ADAT2: variants seen among roughly 807,000 people sequenced by gnomAD.
The protein encoded by ADAT2 is adenosine deaminase tRNA specific 2.
In ADAT2, 26 loss-of-function variants were observed where a neutral mutation model predicts 25.9. The observed-to-expected ratio is 1.00, with a 90% CI of 0.74 to 1.39. The LOEUF (loss-of-function observed/expected upper bound fraction) is 1.39, where lower values mean the gene tolerates loss of function less well. Among genes scored for constraint, ADAT2 ranks in the 40% most tolerant of loss-of-function variants. The pLI is 0.00. For missense variants in ADAT2, 220 were observed against 244.8 expected (o/e 0.90, Z 0.68); for synonymous variants, 76 against 86.8 (o/e 0.88, Z 0.69).
Position 143,440,506 on chromosome 6 carries a change from G to A in ADAT2, c.97-1812C>T, listed in dbSNP as rs1238894023. Among the ~76,000 whole-genome samples, 1 of 152,200 alleles carries A rather than the reference G, an allele frequency of 6.6e-6. No individual in the cohort carries two copies. The highest frequency in any genetic ancestry group is 1.9e-4 in the East Asian group (1 of 5,204). ...GGCCTCTCTTTTCTCCATCTGGTTG[G>A]TGGGTCAGAGATGGGGCATGGAGAG... is the stretch of plus-strand genomic sequence containing the variant. On this transcript the variant is annotated intron_variant, in intron 1 of 5. Transcript: ENST00000237283. This position sits in a 1 kb window ranked among gnomAD's most constrained non-coding sequence, Gnocchi z 4.5.
At position 143,438,623 on chromosome 6, in the gene ADAT2, C is replaced by G; in HGVS notation, c.168G>C (p.Gly56=). 1 of 1,613,448 alleles carries G rather than the reference C, an allele frequency of 6.2e-7. No homozygotes were observed. Among genetic ancestry groups the G allele is most frequent in the Non-Finnish European group, 8.5e-7 (1 of 1,179,470 alleles). The change falls in exon 2 of 6, where the codon GGG becomes GGC. Residue 56 remains glycine, a synonymous_variant. Coordinates refer to ENST00000237283, the MANE Select transcript of ADAT2 (RefSeq NM_182503.3). ...CLMVYNNEVV[G]KGRNEVNQTK... is the part of the protein sequence containing the mutation. ...TTTGGTTAACTTCATTTCTCCCCTT[C>G]CCTACAACTTCATTGTTGTAGACCA... is the stretch of plus-strand genomic sequence containing the variant.
Position 143,422,957 on chromosome 6 carries a change from G to C in ADAT2, c.*5506C>G, listed in dbSNP as rs564521888. On this transcript the variant is annotated 3_prime_UTR_variant, in exon 6 of 6. Coordinates refer to ENST00000237283, the MANE Select transcript of ADAT2 (RefSeq NM_182503.3). This position sits in a 1 kb window ranked among gnomAD's most constrained non-coding sequence, Gnocchi z 4.3. ...CATTCTAAGCCAGAAAACATATTTT[G>C]GTATCTTAGATTTTTCCTTTACATT... is the stretch of plus-strand genomic sequence containing the variant. 1 of 152,042 alleles carries C rather than the reference G, an allele frequency of 6.6e-6. No individual in the cohort carries two copies. Among genetic ancestry groups the C allele is most frequent in the Non-Finnish European group, 1.5e-5 (1 of 68,024 alleles). 9.4% of individuals were successfully genotyped at this position (152,042 alleles called of 1,614,324 possible).
Position 143,428,504 on chromosome 6 carries a change from GTGC to G in ADAT2, c.533-1_534del. Reference sequence around the variant, plus strand: ...TCCTTTTTCCGAACTTTCGATTTTGGTGCTGTGAAAAGAATAGAAAAGAAAAAG... The same window carrying G: ...TCCTTTTTCCGAACTTTCGATTTTGGTGTGAAAAGAATAGAAAAGAAAAAG... On this transcript the variant is annotated splice_acceptor_variant and coding_sequence_variant, in exon 6 of 6. Transcript: ENST00000237283. LOFTEE classifies it high-confidence loss of function. The surrounding 1 kb of genome is among the most constrained non-coding windows in gnomAD (Gnocchi z 5.0). 6.2e-7 allele frequency: 1 copy of G among 1,613,886 alleles called. No homozygotes were observed. The highest frequency in any genetic ancestry group is 8.5e-7 in the Non-Finnish European group (1 of 1,179,976).
Position 143,436,304 on chromosome 6 carries a change from T to G in ADAT2, c.201+2286A>C, listed in dbSNP as rs915219527. The G allele has an allele frequency of 4.2e-5, 10 of 236,100 alleles. No homozygotes were observed. The highest frequency in any genetic ancestry group is 3.2e-4 in the Admixed American group (8 of 25,206). The allele number at this position is 236,100 out of a possible 1,614,324, so 14.6% of individuals were successfully genotyped here. On this transcript the variant is annotated intron_variant, in intron 2 of 5. Coordinates refer to ENST00000237283, the MANE Select transcript of ADAT2 (RefSeq NM_182503.3). The surrounding 1 kb of genome is among the most constrained non-coding windows in gnomAD (Gnocchi z 4.1). ...TATGACCCCCAGTATGGCCTCTATC[T>G]AACAGAGGCTGCCATTTTCAGGGGC...
Position 143,425,146 on chromosome 6 carries a change from A to C in ADAT2, c.*3317T>G, listed in dbSNP as rs2128736594. 1 of 152,324 alleles carries C rather than the reference A, an allele frequency of 6.6e-6. No homozygotes were observed. Among genetic ancestry groups the C allele is most frequent in the East Asian group, 1.9e-4 (1 of 5,190 alleles). The allele number at this position is 152,324 out of a possible 1,614,324, so 9.4% of individuals were successfully genotyped here. A position where few individuals can be genotyped will look rare whatever the true frequency, so the allele number is the denominator to read the frequency against. On this transcript the variant is annotated 3_prime_UTR_variant, in exon 6 of 6. Transcript: ENST00000237283. ...AAGAAGAAGAAAACAGAAAGGAGGCAAAATGACTGTATTATTTAAAAATGT... is the reference window on the plus strand; with the variant it reads ...AAGAAGAAGAAAACAGAAAGGAGGCCAAATGACTGTATTATTTAAAAATGT...
In ADAT2 at chr6:143,427,645, G is replaced by C. The variant is rs1381747630; in HGVS notation, c.*818C>G. Reference sequence around the variant, plus strand: ...ATGGCACCTATCCCCTTTACCCTGTGTTCCTTTTGCTTTTTGCCATAACTC... The same window carrying C: ...ATGGCACCTATCCCCTTTACCCTGTCTTCCTTTTGCTTTTTGCCATAACTC... On this transcript the variant is annotated 3_prime_UTR_variant, in exon 6 of 6. Transcript: ENST00000237283. The C allele has an allele frequency of 6.6e-6, 1 of 152,112 alleles. No homozygotes were observed. Among genetic ancestry groups the C allele is most frequent in the African/African-American group, 2.4e-5 (1 of 41,424 alleles). The allele number at this position is 152,112 out of a possible 1,614,324, so 9.4% of individuals were successfully genotyped here.
At chr6:143,439,001 A>C (rs1370866116) in intron 1 of ADAT2, among the ~76,000 whole-genome samples, 2 of 152,188 alleles carry the variant, frequency 1.3e-5, no homozygotes, top group Non-Finnish European at 2.9e-5. Context: ...GCCAGGGTCT[A>C]TGTGTCTTTT....
chr6:143,431,336 C>T (rs1299576550), intron 4 of ADAT2, among the ~76,000 whole-genome samples: 1 of 152,196 alleles, frequency 6.6e-6, no homozygotes, highest in Non-Finnish European at 1.5e-5. Context: ...CCATGTATGA[C>T]ATCAAAAGAC....
rs745702876 is a variant in ADAT2 at position 143,438,648 on chromosome 6, A to G, written c.143T>C (p.Met48Thr). The G allele has an allele frequency of 1.2e-6, 2 of 1,613,532 alleles. No homozygotes were observed. Among genetic ancestry groups the G allele is most frequent in the Non-Finnish European group, 1.7e-6 (2 of 1,179,530 alleles). The change falls in exon 2 of 6, where the codon ATG becomes ACG. Residue 48 changes from methionine to threonine, a missense_variant. Coordinates refer to ENST00000237283, the MANE Select transcript of ADAT2 (RefSeq NM_182503.3). ...CCCTACAACTTCATTGTTGTAGACC[A>G]TAAGACAGCCAACAGGAACTTCAGT... ...ENTEVPVGCL[M>T]VYNNEVVGKG... is the part of the protein sequence containing the mutation.
In ADAT2 at chr6:143,437,178, AT is replaced by A. The variant is rs1461889461; in HGVS notation, c.201+1411del. On this transcript the variant is annotated intron_variant, in intron 2 of 5. Transcript: ENST00000237283. This position sits in a 1 kb window ranked among gnomAD's most constrained non-coding sequence, Gnocchi z 4.1. ...TACTTTGTCGGAACAGTTCCTATTG[AT>A]TGGAACTGCTAGGGCGAAGTATATG... 6.6e-6 allele frequency among the ~76,000 whole-genome samples: 1 copy of A among 152,180 alleles called. No individual in the cohort carries two copies. The highest frequency in any genetic ancestry group is 1.5e-5 in the Non-Finnish European group (1 of 68,020).
At chr6:143,431,054 AT>A (rs1364258338) in intron 4 of ADAT2, among the ~76,000 whole-genome samples, 5 of 152,110 alleles carry the variant, frequency 3.3e-5, no homozygotes, top group African/African-American at 1.2e-4. Flanking sequence ...GCCCAGACGA[AT>A]TAAAAAAAAA....
chr6:143,445,750 T>C (rs1248456479), intron 1 of ADAT2, among the ~76,000 whole-genome samples: 1 of 152,158 alleles, frequency 6.6e-6, no homozygotes. Context: ...ACGAAGCTTC[T>C]CTTGCTCACC....
rs979562862 is a variant in ADAT2 at position 143,427,051 on chromosome 6, T to C, written c.*1412A>G. The stretch of plus-strand genomic sequence containing the variant: ...AAGGTGCATGTAACATTATCACAGA[T>C]TTAAAATCATGCATATTCTCCATAA... On this transcript the variant is annotated 3_prime_UTR_variant, in exon 6 of 6. Coordinates refer to ENST00000237283, the MANE Select transcript of ADAT2 (RefSeq NM_182503.3). 1.3e-5 allele frequency: 2 copies of C among 149,436 alleles called. No homozygotes were observed. The highest frequency in any genetic ancestry group is 4.9e-5 in the African/African-American group (2 of 40,852). The allele number at this position is 149,436 out of a possible 1,614,324, so 9.3% of individuals were successfully genotyped here. A position where few individuals can be genotyped will look rare whatever the true frequency, so the allele number is the denominator to read the frequency against.
intron 1 of ADAT2, chr6:143,441,551 AG>A (rs1349648381): frequency 6.6e-6 from 1 of 152,230 alleles, no homozygotes; most frequent in African/African-American, 2.4e-5. Context: ...TGGTAAGAGA[AG>A]AAGAAAGAAA....
At position 143,442,340 on chromosome 6, in the gene ADAT2, A is replaced by C. The variant is rs1779482594; in HGVS notation, c.97-3646T>G. 1.8e-5 allele frequency among the ~76,000 whole-genome samples: 2 copies of C among 111,600 alleles called. No homozygotes were observed. Among genetic ancestry groups the C allele is most frequent in the South Asian group, 4.8e-4 (2 of 4,134 alleles). 73.2% of individuals were successfully genotyped at this position (111,600 alleles called of 152,430 possible). A position where few individuals can be genotyped will look rare whatever the true frequency, so the allele number is the denominator to read the frequency against. On this transcript the variant is annotated intron_variant, in intron 1 of 5. Coordinates refer to ENST00000237283, the MANE Select transcript of ADAT2 (RefSeq NM_182503.3). This position sits in a 1 kb window ranked among gnomAD's most constrained non-coding sequence, Gnocchi z 4.6. The stretch of plus-strand genomic sequence containing the variant: ...CAGATTCATGTACATAGCATTTTTG[A>C]ATTATAAAATTATAGACAGAGAACA...
At chr6:143,429,612 T>C (rs192565425) in intron 4 of ADAT2, among the ~76,000 whole-genome samples, 11 of 152,188 alleles carry the variant, frequency 7.2e-5, no homozygotes, top group Non-Finnish European at 1.5e-4. Flanking sequence ...GAGGAGACTA[T>C]TAAGGAAGCA....
At position 143,432,901 on chromosome 6, in the gene ADAT2, T is replaced by C. The variant is rs1261549280; in HGVS notation, c.353-290A>G. ...CTCTGCTCTTTCCTAAATCACTTTT[T>C]CAGAATCATTAGGGAGTCAGAACCA... On this transcript the variant is annotated intron_variant, in intron 3 of 5. Coordinates refer to ENST00000237283, the MANE Select transcript of ADAT2 (RefSeq NM_182503.3). The surrounding 1 kb of genome is among the most constrained non-coding windows in gnomAD (Gnocchi z 4.4). Among the ~76,000 whole-genome samples the C allele has an allele frequency of 2.0e-5, 3 of 152,206 alleles. No individual in the cohort carries two copies. The highest frequency in any genetic ancestry group is 4.4e-5 in the Non-Finnish European group (3 of 68,032).
In ADAT2 at chr6:143,427,563, C is replaced by G. The variant is rs1257956737; in HGVS notation, c.*900G>C. The G allele has an allele frequency of 6.6e-6, 1 of 152,126 alleles. No homozygotes were observed. Among genetic ancestry groups the G allele is most frequent in the East Asian group, 1.9e-4 (1 of 5,200 alleles). The allele number at this position is 152,126 out of a possible 1,614,324, so 9.4% of individuals were successfully genotyped here. On this transcript the variant is annotated 3_prime_UTR_variant, in exon 6 of 6. Transcript: ENST00000237283. ...TTATATGGATTATAAAAGAAATAAC[C>G]ATTTGTTTCAGATTAAATTGATCAT...
At position 143,434,243 on chromosome 6, in the gene ADAT2, C is replaced by T. The variant is rs745393288; in HGVS notation, c.202-262G>A. Among the ~76,000 whole-genome samples, 15 of 152,110 alleles carry T rather than the reference C, an allele frequency of 9.9e-5. No homozygotes were observed. The highest frequency in any genetic ancestry group is 3.3e-4 in the Admixed American group (5 of 15,260). On this transcript the variant is annotated intron_variant, in intron 2 of 5. Transcript: ENST00000237283. The surrounding 1 kb of genome is among the most constrained non-coding windows in gnomAD (Gnocchi z 4.5). The stretch of plus-strand genomic sequence containing the variant: ...AAGTACCTAAGTACCTTAGGGAAAA[C>T]TCTTTCAATTAAAATGCCATGGAGA...
Sources: gnomAD v4.1 joint callset for allele counts (sites outside exome capture counted in the v4.1 genomes callset) on GRCh38, gnomAD v4.1.1 for gene constraint, Gnocchi (gnomAD v3.1) non-coding constraint, MANE v1.5 for transcripts, NCBI Gene and HGNC (gene_info 2026-07-23, HGNC 2026-07-21) for gene names.